The following LNPEP variants were observed in gnomAD, a reference collection of about 807,000 sequenced individuals.
LNPEP encodes leucyl-cystinyl aminopeptidase.
LNPEP carries 64 observed loss-of-function variants against 120.6 expected under a neutral mutation model. The observed-to-expected ratio is 0.53, with a 90% CI of 0.43 to 0.65. The LOEUF (loss-of-function observed/expected upper bound fraction) is 0.65, where lower values mean the gene tolerates loss of function less well. Among genes scored for constraint, LNPEP ranks in the 30% least tolerant of loss-of-function variants. The probability of loss-of-function intolerance (pLI) is 0.00; values close to 1 mark genes in which losing one functional copy is unlikely to be tolerated. For synonymous variants in LNPEP, 435 were observed against 425.4 expected, an observed-to-expected ratio of 1.02 and a Z score of -0.28; for missense variants, 1,057 against 1,200.0, an observed-to-expected ratio of 0.88 and a Z score of 1.76.
chr5:97,028,561 C>A lies in LNPEP; in HGVS notation c.*28C>A. The A allele has an allele frequency of 1.9e-6, 3 of 1,610,208 alleles. No individual in the cohort carries two copies. Among genetic ancestry groups the A allele is most frequent in the Non-Finnish European group, 2.5e-6 (3 of 1,177,860 alleles). On this transcript the variant is annotated 3_prime_UTR_variant, in exon 18 of 18. Coordinates refer to ENST00000231368, the MANE Select transcript of LNPEP (RefSeq NM_005575.3). ...TGCACAACCGCACCTCATTTTGTTG[C>A]CCATTCAGAGAGCTTGTAAGCTTGG...
intron 1 of LNPEP, among the ~76,000 whole-genome samples, chr5:96,946,025 C>A (rs1165289016): frequency 6.6e-6 from 1 of 151,968 alleles, no homozygotes; most frequent in Non-Finnish European, 1.5e-5. Context: ...GGAAGGGCCT[C>A]AATGATGAAA....
At chr5:97,023,377 C>T (rs1033911444) in intron 14 of LNPEP, among the ~76,000 whole-genome samples, 33 of 152,088 alleles carry the variant, frequency 2.2e-4, no homozygotes, top group African/African-American at 6.3e-4. Flanking sequence ...CCCCAGTATC[C>T]GGAGTAGCTG....
intron 1 of LNPEP, among the ~76,000 whole-genome samples, chr5:96,951,836 A>G (rs1789331788): frequency 6.6e-6 from 1 of 152,146 alleles, no homozygotes; most frequent in Non-Finnish European, 1.5e-5. Flanking sequence ...CACTGAAGCA[A>G]TTCAGACTTT....
chr5:96,950,953 C>T (rs1390054755), intron 1 of LNPEP, among the ~76,000 whole-genome samples: 3 of 152,108 alleles, frequency 2.0e-5, no homozygotes, highest in East Asian at 1.9e-4. Context: ...TGGGTGGCTT[C>T]GACAACAGAT....
chr5:97,013,499 C>T (rs578209394), intron 11 of LNPEP, 149 bp from the exon 12 acceptor site: 36 of 457,738 alleles, frequency 7.9e-5, no homozygotes, highest in South Asian at 1.1e-4. Flanking sequence ...CCTTCACTAA[C>T]GTGAAAATAA....
intron 1 of LNPEP, among the ~76,000 whole-genome samples, chr5:96,970,776 A>G (rs189541524): frequency 1.3e-3 from 196 of 152,084 alleles, no homozygotes; most frequent in African/African-American, 4.6e-3. Flanking sequence ...CACATTCTAT[A>G]CCTGACCCTT....
At chr5:96,975,975 T>G (rs182493141) in intron 1 of LNPEP, among the ~76,000 whole-genome samples, 22 of 152,304 alleles carry the variant, frequency 1.4e-4, no homozygotes, top group Non-Finnish European at 3.1e-4. Context: ...CTTTGACTTA[T>G]AGATAGCTTC....
chr5:97,013,573 A>G (rs1790989801), intron 11 of LNPEP, 75 bp from the exon 12 acceptor site: 5 of 759,654 alleles, frequency 6.6e-6, no homozygotes, highest in Non-Finnish European at 9.9e-6. Context: ...AAACTAAAAA[A>G]CAAAGCACTC....
At chr5:96,958,276 A>G (rs758297433) in intron 1 of LNPEP, among the ~76,000 whole-genome samples, 2 of 152,228 alleles carry the variant, frequency 1.3e-5, no homozygotes, top group Non-Finnish European at 2.9e-5. Context: ...CCAGTCTTTT[A>G]GAGTTGTCTC....
chr5:96,968,416 G>A (rs1231217942), intron 1 of LNPEP, among the ~76,000 whole-genome samples: 2 of 151,964 alleles, frequency 1.3e-5, no homozygotes, highest in African/African-American at 4.8e-5. Flanking sequence ...AAATCAAGTT[G>A]TTTTTCTTTG....
intron 1 of LNPEP, among the ~76,000 whole-genome samples, chr5:96,957,303 A>G (rs1224485372): frequency 1.3e-5 from 2 of 152,204 alleles, no homozygotes; most frequent in African/African-American, 4.8e-5. Flanking sequence ...CTGTTTCACC[A>G]TCTGTGGCCA....
At chr5:96,993,519 G>A (rs1366858876) in intron 5 of LNPEP, among the ~76,000 whole-genome samples, 1 of 152,192 alleles carries the variant, frequency 6.6e-6, no homozygotes, top group Non-Finnish European at 1.5e-5. Flanking sequence ...AGAGAGTAGA[G>A]TATTGGCCGT....
chr5:96,961,235 T>C (rs1789598115), intron 1 of LNPEP, among the ~76,000 whole-genome samples: 2 of 152,216 alleles, frequency 1.3e-5, no homozygotes, highest in Non-Finnish European at 2.9e-5. Context: ...CTGAGGTTGC[T>C]TAACCATTTC....
Position 96,979,309 on chromosome 5 carries a change from A to G in LNPEP, c.191A>G (p.Glu64Gly), listed in dbSNP as rs1790069974. ...LVRGLGEHEM[E>G]EDEEDYESSA... ...CGGGGTCTTGGTGAGCATGAGATGG[A>G]GGAGGATGAAGAGGATTATGAGTCA... Residue 64 changes from glutamate (E) to glycine (G), a missense_variant, in exon 2 of 18, where the codon GAG becomes GGG. By Grantham distance (98) the Glu-to-Gly change is moderately conservative (BLOSUM62 -2). Coordinates refer to ENST00000231368, the MANE Select transcript of LNPEP (RefSeq NM_005575.3). 6.2e-7 allele frequency: 1 copy of G among 1,613,812 alleles called. No individual in the cohort carries two copies. The highest frequency in any genetic ancestry group is 1.3e-5 in the African/African-American group (1 of 74,860).
chr5:96,967,311 TA>T (rs1314079092), intron 1 of LNPEP, among the ~76,000 whole-genome samples: 8 of 150,814 alleles, frequency 5.3e-5, no homozygotes, highest in Non-Finnish European at 7.4e-5. Context: ...CTATTATTAT[TA>T]TTTTTTTTTT....
intron 13 of LNPEP, among the ~76,000 whole-genome samples, chr5:97,015,776 C>A (rs922189627): frequency 8.6e-5 from 13 of 151,968 alleles, no homozygotes; most frequent in African/African-American, 3.1e-4. Context: ...TCCCAGGGAC[C>A]CAGGCAAAAG....
chr5:97,010,838 A>C, intron 11 of LNPEP: 6 of 985,414 alleles, frequency 6.1e-6, no homozygotes, highest in Non-Finnish European at 7.2e-6. Flanking sequence ...CCTTGTGTGC[A>C]AAGCTATTAT....
At chr5:96,956,450 G>A (rs987153464) in intron 1 of LNPEP, among the ~76,000 whole-genome samples, 3 of 152,160 alleles carry the variant, frequency 2.0e-5, no homozygotes, top group Non-Finnish European at 4.4e-5. Flanking sequence ...CCCTGGAGGC[G>A]GAGGTTGCAG....
In LNPEP at chr5:97,029,454, C is replaced by T. The variant is rs764541907; in HGVS notation, c.*921C>T. The T allele has an allele frequency of 1.3e-5, 2 of 152,290 alleles. No individual in the cohort carries two copies. Among genetic ancestry groups the T allele is most frequent in the Non-Finnish European group, 2.9e-5 (2 of 68,022 alleles). 9.4% of individuals were successfully genotyped at this position (152,290 alleles called of 1,614,324 possible). A position where few individuals can be genotyped will look rare whatever the true frequency, so the allele number is the denominator to read the frequency against. On this transcript the variant is annotated 3_prime_UTR_variant, in exon 18 of 18. Transcript: ENST00000231368. The stretch of plus-strand genomic sequence containing the variant: ...ACTTTTATCACTATCACTAAGAATG[C>T]AATTTAAGTTGCCTTTTGGCATCAT...
Sources: allele counts gnomAD v4.1 joint callset (sites outside exome capture counted in the v4.1 genomes callset), GRCh38; gene constraint gnomAD v4.1.1; transcripts MANE v1.5; gene names NCBI Gene and HGNC (gene_info 2026-07-23, HGNC 2026-07-21).